Variants in EGFR observed in about 807,000 individuals in gnomAD.
EGFR encodes the protein epidermal growth factor receptor, also known as avian erythroblastic leukemia viral (v-erb-b) oncogene homolog.
Under a neutral mutation model 143.0 loss-of-function variants are expected in EGFR, and 58 were observed. The observed-to-expected ratio is 0.41, with a 90% CI of 0.33 to 0.50. The LOEUF (loss-of-function observed/expected upper bound fraction) is 0.50. Ranked by LOEUF, EGFR falls within the 20% of genes least tolerant of loss-of-function variation. The pLI, the probability that EGFR is intolerant of heterozygous loss-of-function variation, is 0.39. For missense variants in EGFR, 1,307 were observed against 1,579.0 expected (o/e 0.83, Z 2.92); for synonymous variants, 613 against 594.4 (o/e 1.03, Z -0.45).
chr7:55,143,582 G>C (rs1794591730), intron 3 of EGFR, 94 bp downstream of exon 3: 3 of 1,431,944 alleles, frequency 2.1e-6, no homozygotes, highest in Non-Finnish European at 2.9e-6. Context: ...CCACCTCGGA[G>C]AAGGCTTTTA....
intron 1 of EGFR, among the ~76,000 whole-genome samples, chr7:55,057,767 A>G (rs1033790644): frequency 6.6e-6 from 1 of 152,224 alleles, no homozygotes; most frequent in African/African-American, 2.4e-5. Context: ...ACAGCTCATT[A>G]TCTCTGCGGT....
At chr7:55,165,539 T>C (rs1425054309) in intron 15 of EGFR, 102 bp downstream of exon 15, 1 of 1,465,542 alleles carries the variant, frequency 6.8e-7, no homozygotes, top group Admixed American at 2.3e-5. Context: ...GAGGTTTGTA[T>C]TTGAGTCAGT....
At position 55,201,203 on chromosome 7, in the gene EGFR, C is replaced by T. The variant is rs1787830990; in HGVS notation, c.2962C>T (p.His988Tyr). The change falls in exon 25 of 28, where the codon CAT (histidine) becomes TAT (tyrosine). Residue 988 changes from histidine to tyrosine, a missense_variant. Coordinates refer to ENST00000275493, the MANE Select transcript of EGFR (RefSeq NM_005228.5). ...TCTGCACCAGGGGGATGAAAGAATG[C>T]ATTTGCCAAGTCCTACAGACTCCAA... The part of the protein sequence containing the change: ...YLVIQGDERM[H>Y]LPSPTDSNFY... 6.2e-7 allele frequency: 1 copy of T among 1,614,146 alleles called. No homozygotes were observed. The highest frequency in any genetic ancestry group is 1.1e-5 in the South Asian group (1 of 91,080).
intron 1 of EGFR, among the ~76,000 whole-genome samples, chr7:55,120,621 G>A (rs563485427): frequency 2.6e-4 from 39 of 152,250 alleles, no homozygotes; most frequent in Admixed American, 9.8e-4. Context: ...CCATCCGGGC[G>A]GAGACTGTTG....
At chr7:55,074,261 A>C (rs1790008710) in intron 1 of EGFR, among the ~76,000 whole-genome samples, 1 of 152,248 alleles carries the variant, frequency 6.6e-6, no homozygotes, top group Non-Finnish European at 1.5e-5. Flanking sequence ...AGTCCTGTCC[A>C]GGTCCAGGAG....
chr7:55,174,326 G>A (rs17290350), intron 18 of EGFR, among the ~76,000 whole-genome samples: 80 of 152,326 alleles, frequency 5.3e-4, no homozygotes, highest in African/African-American at 1.8e-3. Flanking sequence ...GAGGAGGGCC[G>A]CCTCTCACCG....
Position 55,202,831 on chromosome 7 carries a change from T to G in EGFR, c.3271+206T>G. 3 of 696,726 alleles carry G rather than the reference T, an allele frequency of 4.3e-6. No individual in the cohort carries two copies. The South Asian group carries it at 4.5e-5, about 10-fold the overall frequency. The allele number at this position is 696,726 out of a possible 1,614,324, so 43.2% of individuals were successfully genotyped here. ...AAGCTCTTTGTTGTGTCTGGTTGTT[T>G]GCTGTACCTCTGTTGTAAGAATGAA... On this transcript the variant is annotated intron_variant, in intron 27 of 27. Transcript: ENST00000275493.
At chr7:55,038,116 CG>C (rs566306166) in intron 1 of EGFR, among the ~76,000 whole-genome samples, 5 of 151,970 alleles carry the variant, frequency 3.3e-5, no homozygotes, top group Admixed American at 2.6e-4. Context: ...GATAGGAAAG[CG>C]GGGGGGTGGA....
intron 1 of EGFR, among the ~76,000 whole-genome samples, chr7:55,037,172 A>C (rs1212855264): frequency 6.6e-6 from 1 of 152,226 alleles, no homozygotes; most frequent in African/African-American, 2.4e-5. Context: ...AGATTGGTAT[A>C]ACTTGGCAGA....
intron 12 of EGFR, among the ~76,000 whole-genome samples, chr7:55,161,185 C>T (rs1022242860): frequency 2.6e-5 from 4 of 152,234 alleles, no homozygotes; most frequent in East Asian, 1.9e-4. Context: ...TAATTGATGC[C>T]ATTGCCAAAG....
intron 11 of EGFR, among the ~76,000 whole-genome samples, 197 bp from the exon 12 acceptor site, chr7:55,159,942 G>T (rs17289991): frequency 6.6e-6 from 1 of 152,268 alleles, no homozygotes; most frequent in South Asian, 2.1e-4. Context: ...AATAAACAAG[G>T]AACTATCTTT....
At chr7:55,134,113 C>G (rs1584122486) in intron 1 of EGFR, among the ~76,000 whole-genome samples, 1 of 152,222 alleles carries the variant, frequency 6.6e-6, no homozygotes, top group Non-Finnish European at 1.5e-5. Context: ...TCTCCAATGT[C>G]CCCTGCTCAG....
chr7:55,174,739 A>G lies in EGFR; in HGVS notation c.2202A>G (p.Glu734=). The change falls in exon 19 of 28, where the codon GAA becomes GAG. Residue 734 remains glutamate, a synonymous_variant. Coordinates refer to ENST00000275493, the MANE Select transcript of EGFR (RefSeq NM_005228.5). The part of the protein sequence containing the change: ...GTVYKGLWIP[E]GEKVKIPVAI... ...TGTCATAGGGACTCTGGATCCCAGA[A>G]GGTGAGAAAGTTAAAATTCCCGTCG... The G allele has an allele frequency of 6.2e-7, 1 of 1,613,992 alleles. No homozygotes were observed. The highest frequency in any genetic ancestry group is 8.5e-7 in the Non-Finnish European group (1 of 1,179,856).
intron 1 of EGFR, among the ~76,000 whole-genome samples, chr7:55,078,982 T>C (rs1446322426): frequency 1.3e-5 from 2 of 152,222 alleles, no homozygotes. Flanking sequence ...CGGGTACTTC[T>C]ATTCCGTTTG....
chr7:55,123,015 T>G (rs1793302524), intron 1 of EGFR, among the ~76,000 whole-genome samples: 1 of 152,254 alleles, frequency 6.6e-6, no homozygotes, highest in Non-Finnish European at 1.5e-5. Context: ...CTCATCAAAA[T>G]AATTCACATG....
rs1479624899 is a variant in EGFR at position 55,154,007 on chromosome 7, A to G, written c.748-4A>G. 1.9e-6 allele frequency: 3 copies of G among 1,614,108 alleles called. No individual in the cohort carries two copies. Among genetic ancestry groups the G allele is most frequent in the Non-Finnish European group, 2.5e-6 (3 of 1,180,020 alleles). On this transcript the variant is annotated splice_region_variant and splice_polypyrimidine_tract_variant and intron_variant, in intron 6 of 27. Coordinates refer to ENST00000275493, the MANE Select transcript of EGFR (RefSeq NM_005228.5). ...TTGCCCAGCGTGTCCTCTCTCCTCC[A>G]TAGGTCTGCCGCAAATTCCGAGACG... is the stretch of plus-strand genomic sequence containing the variant.
intron 1 of EGFR, among the ~76,000 whole-genome samples, chr7:55,137,007 A>G (rs554474958): frequency 3.3e-5 from 5 of 152,278 alleles, no homozygotes; most frequent in African/African-American, 9.6e-5. Flanking sequence ...ATTCATAGGC[A>G]AATAATAATT....
chr7:55,117,900 G>T lies in EGFR; in HGVS notation c.89-24386G>T, dbSNP rs538545281. Among the ~76,000 whole-genome samples the T allele has an allele frequency of 2.5e-3, 376 of 152,160 alleles. 2 individuals are homozygous for T. The highest frequency in any genetic ancestry group is 4.2e-3 in the Non-Finnish European group (289 of 68,036). On this transcript the variant is annotated intron_variant, in intron 1 of 27. Coordinates refer to ENST00000275493, the MANE Select transcript of EGFR (RefSeq NM_005228.5). ...TTGCAATTAGAACTTCAGTGCTGAT[G>T]CTGGGAAGACTGGAGTTAGTTTGAG... is the stretch of plus-strand genomic sequence containing the variant.
chr7:55,129,652 C>T (rs951255847), intron 1 of EGFR, among the ~76,000 whole-genome samples: 3 of 152,200 alleles, frequency 2.0e-5, no homozygotes, highest in Admixed American at 6.5e-5. Context: ...GCCCTGCACA[C>T]AAACACACAC....
Sources: allele counts gnomAD v4.1 joint callset (sites outside exome capture counted in the v4.1 genomes callset), GRCh38; gene constraint gnomAD v4.1.1; transcripts MANE v1.5; gene names NCBI Gene and HGNC (gene_info 2026-07-23, HGNC 2026-07-21).